SRARP: variants seen among roughly 807,000 people sequenced by gnomAD.
SRARP encodes steroid receptor associated and regulated protein.
In SRARP, 5 loss-of-function variants were observed where a neutral mutation model predicts 3.6. The observed-to-expected ratio is 1.39, with a 90% CI of 0.73 to 2.93. The LOEUF (loss-of-function observed/expected upper bound fraction) is 2.93. Ranked by LOEUF, SRARP falls within the 30% of genes most tolerant of loss-of-function variation. SRARP has a pLI of 0.00. For missense variants in SRARP, 215 were observed against 216.7 expected (o/e 0.99, Z 0.05); for synonymous variants, 96 against 91.6 (o/e 1.05, Z -0.27).
At position 16,008,551 on chromosome 1, in the gene SRARP, G is replaced by C. The variant is rs1161461625; in HGVS notation, c.*2205G>C. 6.6e-6 allele frequency: 1 copy of C among 152,380 alleles called. No homozygotes were observed. Among genetic ancestry groups the C allele is most frequent in the East Asian group, 1.9e-4 (1 of 5,192 alleles). 9.4% of individuals were successfully genotyped at this position (152,380 alleles called of 1,614,324 possible). A position where few individuals can be genotyped will look rare whatever the true frequency, so the allele number is the denominator to read the frequency against. On this transcript the variant is annotated 3_prime_UTR_variant, in exon 2 of 2. Coordinates refer to ENST00000329454, the MANE Select transcript of SRARP (RefSeq NM_178840.4). ...CTCATGCCTGTAATCCCAGCACTTTGGGAGGCCAAGGAGGGGGAGGCGGGG... is the reference window on the plus strand; with the variant it reads ...CTCATGCCTGTAATCCCAGCACTTTCGGAGGCCAAGGAGGGGGAGGCGGGG...
In SRARP at chr1:16,006,999, C is replaced by G. The variant is rs928719088; in HGVS notation, c.*653C>G. Reference sequence around the variant, plus strand: ...GTCACTGCAAAGGCAGGGGATACCACGTGGGGAGACTCGAGGGCCATGCCA... The same window carrying G: ...GTCACTGCAAAGGCAGGGGATACCAGGTGGGGAGACTCGAGGGCCATGCCA... On this transcript the variant is annotated 3_prime_UTR_variant, in exon 2 of 2. Coordinates refer to ENST00000329454, the MANE Select transcript of SRARP (RefSeq NM_178840.4). 1 of 151,928 alleles carries G rather than the reference C, an allele frequency of 6.6e-6. No homozygotes were observed. Among genetic ancestry groups the G allele is most frequent in the Non-Finnish European group, 1.5e-5 (1 of 68,020 alleles). The allele number at this position is 151,928 out of a possible 1,614,324, so 9.4% of individuals were successfully genotyped here.
chr1:16,006,522 A>G lies in SRARP; in HGVS notation c.*176A>G. The G allele has an allele frequency of 1.5e-6, 1 of 653,848 alleles. No individual in the cohort carries two copies. The highest frequency in any genetic ancestry group is 2.6e-6 in the Non-Finnish European group (1 of 391,010). 40.5% of individuals were successfully genotyped at this position (653,848 alleles called of 1,614,324 possible). On this transcript the variant is annotated 3_prime_UTR_variant, in exon 2 of 2. Coordinates refer to ENST00000329454, the MANE Select transcript of SRARP (RefSeq NM_178840.4). ...CAGGATAAGTCACCTGCACATGAAG[A>G]GACTCATTCATTCATACAGCAAATA...
rs1417136631 is a variant in SRARP at position 16,008,656 on chromosome 1, T to A, written c.*2310T>A. On this transcript the variant is annotated 3_prime_UTR_variant, in exon 2 of 2. Coordinates refer to ENST00000329454, the MANE Select transcript of SRARP (RefSeq NM_178840.4). Reference sequence around the variant, plus strand: ...CCGTCTCTACTAAAAATATAAAAATTAGCTGGGCGTGGTGGTGGGCACCTA... The same window carrying A: ...CCGTCTCTACTAAAAATATAAAAATAAGCTGGGCGTGGTGGTGGGCACCTA... The A allele has an allele frequency of 6.6e-6, 1 of 152,038 alleles. No individual in the cohort carries two copies. Among genetic ancestry groups the A allele is most frequent in the Non-Finnish European group, 1.5e-5 (1 of 68,010 alleles). 9.4% of individuals were successfully genotyped at this position (152,038 alleles called of 1,614,324 possible).
chr1:16,005,902 C>G lies in SRARP; in HGVS notation c.83-17C>G, dbSNP rs1478404534. ...TCCCCTGCTTGTGCTAACTTTTGGT[C>G]TTTTCCTCTCTTCTAGGTGGGAAGC... is the stretch of plus-strand genomic sequence containing the variant. On this transcript the variant is annotated splice_polypyrimidine_tract_variant and intron_variant, in intron 1 of 1. Coordinates refer to ENST00000329454, the MANE Select transcript of SRARP (RefSeq NM_178840.4). 1.3e-6 allele frequency: 2 copies of G among 1,531,030 alleles called. No homozygotes were observed. Among genetic ancestry groups the G allele is most frequent in the South Asian group, 2.5e-5 (2 of 78,458 alleles). The allele number at this position is 1,531,030 out of a possible 1,614,324, so 94.8% of individuals were successfully genotyped here.
In SRARP at chr1:16,006,326, G is replaced by A; in HGVS notation, c.490G>A (p.Val164Ile). The A allele has an allele frequency of 1.3e-6, 2 of 1,595,512 alleles. No homozygotes were observed. The highest frequency in any genetic ancestry group is 1.1e-5 in the South Asian group (1 of 90,116). Residue 164 changes from valine to isoleucine, a missense_variant, in exon 2 of 2, where the codon GTC (valine) becomes ATC (isoleucine). Transcript: ENST00000329454. The stretch of plus-strand genomic sequence containing the variant: ...CTCACTGAAAGCCCTCTCCTCTTGT[G>A]TCTGTGGGCAGGCCGATTAGCTGGA... Reference protein sequence around the residue: ...KDSLKALSSCVCGQAD With the variant: ...KDSLKALSSCICGQAD
rs1214245345 is a variant in SRARP at position 16,007,214 on chromosome 1, T to C, written c.*868T>C. On this transcript the variant is annotated 3_prime_UTR_variant, in exon 2 of 2. Coordinates refer to ENST00000329454, the MANE Select transcript of SRARP (RefSeq NM_178840.4). ...GACATGTTATTTATTGAGCATCTAC[T>C]GCATACCAGGCTCATGCTGCCCTCT... 6.7e-6 allele frequency: 1 copy of C among 149,702 alleles called. No individual in the cohort carries two copies. The highest frequency in any genetic ancestry group is 1.5e-5 in the Non-Finnish European group (1 of 67,670). The allele number at this position is 149,702 out of a possible 1,614,324, so 9.3% of individuals were successfully genotyped here. A position where few individuals can be genotyped will look rare whatever the true frequency, so the allele number is the denominator to read the frequency against.
chr1:16,004,469 C>T, intron 1 of SRARP, 84 bp downstream of exon 1: 1 of 1,250,954 alleles, frequency 8.0e-7, no homozygotes, highest in Non-Finnish European at 1.1e-6. Context: ...AATCCCAGCA[C>T]TTTGGGAGGC....
chr1:16,005,660 T>C (rs138038383), intron 1 of SRARP, among the ~76,000 whole-genome samples: 1,608 of 152,180 alleles, frequency 0.011, 34 homozygotes, highest in African/African-American at 0.037. Flanking sequence ...ATTTCTTGAG[T>C]CCAGGAGTTT....
At position 16,008,274 on chromosome 1, in the gene SRARP, G is replaced by A. The variant is rs2073140948; in HGVS notation, c.*1928G>A. On this transcript the variant is annotated 3_prime_UTR_variant, in exon 2 of 2. Coordinates refer to ENST00000329454, the MANE Select transcript of SRARP (RefSeq NM_178840.4). The stretch of plus-strand genomic sequence containing the variant: ...ACAAAAGGGTGGGGTGGGGGAGCAA[G>A]TGGGGAGTGCTCTGGGCAGAAGGAC... 1 of 152,254 alleles carries A rather than the reference G, an allele frequency of 6.6e-6. No homozygotes were observed. The highest frequency in any genetic ancestry group is 2.1e-4 in the South Asian group (1 of 4,832). 9.4% of individuals were successfully genotyped at this position (152,254 alleles called of 1,614,324 possible).
In SRARP at chr1:16,006,183, C is replaced by T. The variant is rs2073127330; in HGVS notation, c.347C>T (p.Ser116Phe). Residue 116 changes from serine to phenylalanine, a missense_variant, in exon 2 of 2, where the codon TCT becomes TTT. By Grantham distance (155) the Ser-to-Phe change is radical. Transcript: ENST00000329454. ...GCCACCCTGCCGCTCTGCAGAGGGT[C>T]TGTGGCCTCAGCTTCCTTCCCAGTC... The part of the protein sequence containing the change: ...ARATLPLCRG[S>F]VASASFPVSP... 24 of 1,613,936 alleles carry T rather than the reference C, an allele frequency of 1.5e-5. No homozygotes were observed. Among genetic ancestry groups the T allele is most frequent in the Non-Finnish European group, 1.9e-5 (23 of 1,180,036 alleles).
chr1:16,006,411 C>T lies in SRARP; in HGVS notation c.*65C>T, dbSNP rs1411462538. The T allele has an allele frequency of 2.8e-6, 4 of 1,450,172 alleles. No individual in the cohort carries two copies. Among genetic ancestry groups the T allele is most frequent in the African/African-American group, 1.4e-5 (1 of 70,060 alleles). The allele number at this position is 1,450,172 out of a possible 1,614,324, so 89.8% of individuals were successfully genotyped here. ...CCAGGGCCTGGCCCTGCTTCCCCAG[C>T]TAAGCAGGAGTCTTTTGTGCTTGAG... is the stretch of plus-strand genomic sequence containing the variant. On this transcript the variant is annotated 3_prime_UTR_variant, in exon 2 of 2. Transcript: ENST00000329454.
intron 1 of SRARP, 54 bp downstream of exon 1, chr1:16,004,439 G>C: frequency 6.8e-7 from 1 of 1,460,434 alleles, no homozygotes; most frequent in Non-Finnish European, 9.4e-7. Context: ...TGGGGGCCAG[G>C]TGCGGTGCCT....
chr1:16,006,408 C>G lies in SRARP; in HGVS notation c.*62C>G. 3.4e-6 allele frequency: 5 copies of G among 1,456,554 alleles called. No homozygotes were observed. Among genetic ancestry groups the G allele is most frequent in the Non-Finnish European group, 4.6e-6 (5 of 1,081,698 alleles). The allele number at this position is 1,456,554 out of a possible 1,614,324, so 90.2% of individuals were successfully genotyped here. A position where few individuals can be genotyped will look rare whatever the true frequency, so the allele number is the denominator to read the frequency against. ...TTCCCAGGGCCTGGCCCTGCTTCCC[C>G]AGCTAAGCAGGAGTCTTTTGTGCTT... On this transcript the variant is annotated 3_prime_UTR_variant, in exon 2 of 2. Coordinates refer to ENST00000329454, the MANE Select transcript of SRARP (RefSeq NM_178840.4).
chr1:16,004,712 T>C (rs2073117318), intron 1 of SRARP, among the ~76,000 whole-genome samples: 1 of 34,114 alleles, frequency 2.9e-5, no homozygotes, highest in Non-Finnish European at 6.0e-5. Flanking sequence ...AGACTCCATC[T>C]CAAAAAAAAA....
intron 1 of SRARP, among the ~76,000 whole-genome samples, chr1:16,004,894 A>G (rs557932138): frequency 6.6e-6 from 1 of 152,132 alleles, no homozygotes; most frequent in Non-Finnish European, 1.5e-5. Context: ...CGTGTTTCAC[A>G]GCACGTAGCT....
At chr1:16,005,777 A>G in intron 1 of SRARP, 142 bp from the exon 2 acceptor site, 1 of 797,784 alleles carries the variant, frequency 1.3e-6, no homozygotes, top group Non-Finnish European at 2.0e-6. Context: ...GGGGGCTGAG[A>G]TGGGAGGATT....
At position 16,004,261 on chromosome 1, in the gene SRARP, A is replaced by C. The variant is rs1557432065; in HGVS notation, c.-43A>C. On this transcript the variant is annotated 5_prime_UTR_variant, in exon 1 of 2. Coordinates refer to ENST00000329454, the MANE Select transcript of SRARP (RefSeq NM_178840.4). ...ACATCCTGGAAGAGTGGCCTAGGACAGCTCCTCTCCTGCCAGAGCTAGGCA... is the reference window on the plus strand; with the variant it reads ...ACATCCTGGAAGAGTGGCCTAGGACCGCTCCTCTCCTGCCAGAGCTAGGCA... The C allele has an allele frequency of 2.0e-6, 3 of 1,494,772 alleles. No homozygotes were observed. The South Asian group carries it at 3.6e-5, about 18-fold the overall frequency. 92.6% of individuals were successfully genotyped at this position (1,494,772 alleles called of 1,614,324 possible).
chr1:16,004,353 C>A lies in SRARP; in HGVS notation c.50C>A (p.Thr17Asn). ...GACTGGAGAGCCAACCTCAAAGGCA[C>A]CATCCGTGAGACAGGCCTGGAGACC... ...PRDWRANLKG[T>N]IRETGLETSS... Residue 17 changes from threonine to asparagine, a missense_variant, in exon 1 of 2, where the codon ACC (threonine) becomes AAC (asparagine). Thr to Asn is a moderately conservative substitution (Grantham distance 65, BLOSUM62 0). Coordinates refer to ENST00000329454, the MANE Select transcript of SRARP (RefSeq NM_178840.4). 3.1e-6 allele frequency: 5 copies of A among 1,609,400 alleles called. No individual in the cohort carries two copies. The highest frequency in any genetic ancestry group is 4.2e-6 in the Non-Finnish European group (5 of 1,178,324).
rs1394891156 is a variant in SRARP, at chr1:16,006,233, C to T, written c.397C>T (p.Pro133Ser). 5 of 1,613,634 alleles carry T rather than the reference C, an allele frequency of 3.1e-6. No individual in the cohort carries two copies. The highest frequency in any genetic ancestry group is 4.2e-6 in the Non-Finnish European group (5 of 1,180,046). The change falls in exon 2 of 2, where the codon CCC becomes TCC. Residue 133 changes from proline to serine, a missense_variant. Transcript: ENST00000329454. ...PVSPLCPQEV[P>S]EAKGKPVKAA... ...CAGCCCGCTCTGCCCCCAGGAGGTT[C>T]CCGAGGCTAAGGGGAAACCCGTGAA...
Sources: gnomAD v4.1 joint callset for allele counts (sites outside exome capture counted in the v4.1 genomes callset) on GRCh38, gnomAD v4.1.1 for gene constraint, MANE v1.5 for transcripts, NCBI Gene and HGNC (gene_info 2026-07-23, HGNC 2026-07-21) for gene names.